The following RNF123 variants were observed in gnomAD, a reference collection of about 807,000 sequenced individuals.
The protein encoded by RNF123 is E3 ubiquitin-protein ligase RNF123.
Under a neutral mutation model 168.5 loss-of-function variants are expected in RNF123, and 86 were observed. The ratio of observed to expected loss-of-function variants is 0.51; its 90% CI spans 0.43 to 0.61. The LOEUF is 0.61. RNF123 is among the 20% of genes least tolerant of loss of function. The pLI, the probability that RNF123 is intolerant of heterozygous loss-of-function variation, is 0.00. For missense variants in RNF123, 1,419 were observed against 1,729.7 expected (o/e 0.82, Z 3.19); for synonymous variants, 666 against 689.1 (o/e 0.97, Z 0.52).
chr3:49,702,274 C>A, intron 18 of RNF123, 60 bp from the exon 19 acceptor site: 1 of 1,598,174 alleles, frequency 6.3e-7, no homozygotes, highest in Non-Finnish European at 8.6e-7. Context: ...AGCACTGAGC[C>A]AGCCCAGTCT....
At chr3:49,718,474 A>T in intron 35 of RNF123, 6 of 1,612,966 alleles carry the variant, frequency 3.7e-6, no homozygotes, top group Non-Finnish European at 5.1e-6. Context: ...GTCGGCCAGC[A>T]CCGCGATGCT....
At position 49,706,026 on chromosome 3, in the gene RNF123, G is replaced by A; in HGVS notation, c.2349G>A (p.Leu783=). Residue 783 remains leucine (L), a synonymous_variant, in exon 25 of 39, where the codon CTG becomes CTA. Coordinates refer to ENST00000327697, the MANE Select transcript of RNF123 (RefSeq NM_022064.5). The part of the protein sequence containing the change: ...SDDVNEYAMA[L]RDTEDKLRRC... ...ATGTCAATGAATACGCTATGGCTCT[G>A]AGGGACACAGAGGACAAGCTCCGCC... 6.2e-7 allele frequency: 1 copy of A among 1,614,168 alleles called. No homozygotes were observed. The highest frequency in any genetic ancestry group is 1.7e-5 in the Admixed American group (1 of 60,018).
At position 49,705,072 on chromosome 3, in the gene RNF123, G is replaced by A. The variant is rs373109530; in HGVS notation, c.2048G>A (p.Arg683His). The change falls in exon 23 of 39, where the codon CGC becomes CAC. Residue 683 changes from arginine to histidine, a missense_variant. Coordinates refer to ENST00000327697, the MANE Select transcript of RNF123 (RefSeq NM_022064.5). Reference sequence around the variant, plus strand: ...TCTCCAACTTTGGGCCGAGCCAACCGCTTCCTCAGCACAGCGGCTGTGAGC... The same window carrying A: ...TCTCCAACTTTGGGCCGAGCCAACCACTTCCTCAGCACAGCGGCTGTGAGC... ...LSSPTLGRAN[R>H]FLSTAAVSLM... 57 of 1,611,770 alleles carry A rather than the reference G, an allele frequency of 3.5e-5. No homozygotes were observed. In the South Asian group the frequency reaches 4.7e-4, roughly 13 times the overall value.
intron 3 of RNF123, among the ~76,000 whole-genome samples, chr3:49,696,187 GC>G (rs2054263453): frequency 6.6e-6 from 1 of 151,690 alleles, no homozygotes; most frequent in African/African-American, 2.4e-5. Context: ...ATTTCTCCCA[GC>G]CTTCTTCTTC....
intron 27 of RNF123, chr3:49,712,945 C>T: frequency 1.4e-6 from 1 of 703,024 alleles, no homozygotes; most frequent in Non-Finnish European, 2.6e-6. Flanking sequence ...TGAGCAACTG[C>T]CATGGTCCAG....
chr3:49,704,504 G>GGAGGGGC, intron 21 of RNF123, 146 bp from the exon 22 acceptor site: 1 of 624,418 alleles, frequency 1.6e-6, no homozygotes, highest in Non-Finnish European at 2.7e-6. Context: ...TGGAGGAGGC[G>GGAGGGGC]GAGGGGCGAG....
At chr3:49,691,783 C>A (rs2054171714) in intron 3 of RNF123, among the ~76,000 whole-genome samples, 1 of 152,248 alleles carries the variant, frequency 6.6e-6, no homozygotes, top group African/African-American at 2.4e-5. Flanking sequence ...GCACCTACTC[C>A]ATACCCAGCA....
At chr3:49,700,148 C>T (rs1278943580) in intron 12 of RNF123, 79 bp from the exon 13 acceptor site, 4 of 1,584,034 alleles carry the variant, frequency 2.5e-6, no homozygotes, top group African/African-American at 1.3e-5. Flanking sequence ...GAGGCTTGTG[C>T]CTTGGCCATG....
In RNF123 at chr3:49,699,784, T is replaced by G. The variant is rs2054340763; in HGVS notation, c.984+12T>G. On this transcript the variant is annotated intron_variant, in intron 12 of 38. Transcript: ENST00000327697. The surrounding 1 kb of genome is among the most constrained non-coding windows in gnomAD (Gnocchi z 4.8). ...TTGCACCGCTTCTGGTGAGCGGCAT[T>G]GGGAGGGGCATGGGAGGGGAGGAGA... The G allele has an allele frequency of 6.2e-7, 1 of 1,611,262 alleles. No homozygotes were observed. Among genetic ancestry groups the G allele is most frequent in the African/African-American group, 1.3e-5 (1 of 74,962 alleles).
intron 25 of RNF123, 48 bp downstream of exon 25, chr3:49,706,113 G>A (rs746456805): frequency 3.3e-6 from 5 of 1,530,756 alleles, no homozygotes; most frequent in South Asian, 1.1e-5. Flanking sequence ...TACTCGTACA[G>A]GTAACCACAG....
intron 3 of RNF123, among the ~76,000 whole-genome samples, chr3:49,694,930 G>A (rs2108175666): frequency 6.6e-6 from 1 of 152,344 alleles, no homozygotes; most frequent in African/African-American, 2.4e-5. Context: ...GGGTATTCAG[G>A]GCCCTGAACT....
intron 19 of RNF123, 49 bp from the exon 20 acceptor site, chr3:49,702,584 C>T (rs1334413718): frequency 6.2e-7 from 1 of 1,613,952 alleles, no homozygotes; most frequent in African/African-American, 1.3e-5. Flanking sequence ...GAGGAATGGG[C>T]AAGGCACTGG....
rs567942433 is a variant in RNF123, at chr3:49,719,584, G to A, written c.3501-927G>A. 81 of 912,862 alleles carry A rather than the reference G, an allele frequency of 8.9e-5. No homozygotes were observed. The African/African-American group carries it at 1.3e-3, about 14-fold the overall frequency. The allele number at this position is 912,862 out of a possible 1,614,324, so 56.5% of individuals were successfully genotyped here. Reference sequence around the variant, plus strand: ...CGGATGGCCCTTGCCGAGGAGGCACGGCGGGTTCTTGCCAGCCGACGGCCC... The same window carrying A: ...CGGATGGCCCTTGCCGAGGAGGCACAGCGGGTTCTTGCCAGCCGACGGCCC... On this transcript the variant is annotated intron_variant, in intron 35 of 38. Transcript: ENST00000327697.
intron 35 of RNF123, chr3:49,718,876 T>A (rs1420140002): frequency 6.2e-7 from 1 of 1,613,504 alleles, no homozygotes; most frequent in Non-Finnish European, 8.5e-7. Context: ...TACGGAGATG[T>A]GTCCCAGCCG....
At position 49,700,790 on chromosome 3, in the gene RNF123, AGGCCAGG is replaced by A; in HGVS notation, c.1277+84_1277+90del. On this transcript the variant is annotated intron_variant, in intron 15 of 38. Transcript: ENST00000327697. The stretch of plus-strand genomic sequence containing the variant: ...AGAGGCCAGGAAGGGGAGTGTCATC[AGGCCAGG>A]GGTCCCCTGGGAGCATCAGGAGGAC... 3.4e-6 allele frequency: 5 copies of A among 1,454,858 alleles called. No homozygotes were observed. In the South Asian group the frequency reaches 4.6e-5, roughly 13 times the overall value. 90.1% of individuals were successfully genotyped at this position (1,454,858 alleles called of 1,614,324 possible).
chr3:49,715,015 A>T (rs575982266), intron 31 of RNF123, among the ~76,000 whole-genome samples: 4 of 152,148 alleles, frequency 2.6e-5, no homozygotes, highest in Non-Finnish European at 4.4e-5. Context: ...GGAACTATTG[A>T]TTTGTATCAA....
intron 8 of RNF123, 85 bp downstream of exon 8, chr3:49,698,611 C>T (rs950016442): frequency 1.4e-5 from 22 of 1,546,788 alleles, no homozygotes; most frequent in South Asian, 7.9e-5. Context: ...TAAGGGACTA[C>T]AGGGCACCAG....
chr3:49,693,349 T>G (rs2054206690), intron 3 of RNF123, among the ~76,000 whole-genome samples: 5 of 54,812 alleles, frequency 9.1e-5, no homozygotes, highest in Non-Finnish European at 2.0e-4. Context: ...TGCCTGGCCT[T>G]TTTTTTTTTT....
At chr3:49,710,396 C>T (rs1054881244) in intron 26 of RNF123, among the ~76,000 whole-genome samples, 12 of 152,144 alleles carry the variant, frequency 7.9e-5, no homozygotes, top group African/African-American at 2.2e-4. Context: ...TCTTCCACCT[C>T]GGCCTCCTGA....
Sources: gnomAD v4.1 joint callset for allele counts (sites outside exome capture counted in the v4.1 genomes callset) on GRCh38, gnomAD v4.1.1 for gene constraint, Gnocchi (gnomAD v3.1) non-coding constraint, MANE v1.5 for transcripts, NCBI Gene and HGNC (gene_info 2026-07-23, HGNC 2026-07-21) for gene names.